The following MUC7 variants were observed in gnomAD, a reference collection of about 807,000 sequenced individuals.
The protein encoded by MUC7 is mucin-7.
MUC7 carries 2 observed loss-of-function variants against 2.5 expected under a neutral mutation model. That is an observed-to-expected ratio of 0.81 (90% CI 0.33 to 2.55). The LOEUF is 2.55. MUC7 is among the 30% of genes most tolerant of loss of function. The pLI, the probability that MUC7 is intolerant of heterozygous loss-of-function variation, is 0.11. For missense variants in MUC7, 408 were observed against 455.6 expected (o/e 0.90, Z 0.95); for synonymous variants, 133 against 173.4 (o/e 0.77, Z 1.83).
At chr4:70,432,068 G>T (rs1392449751) in intron 1 of MUC7, among the ~76,000 whole-genome samples, 1 of 152,218 alleles carries the variant, frequency 6.6e-6, no homozygotes, top group Non-Finnish European at 1.5e-5. Flanking sequence ...GCCTACAAAA[G>T]ACATGAACTC....
At chr4:70,452,286 G>T (rs569143548) in intron 1 of MUC7, among the ~76,000 whole-genome samples, 2 of 151,922 alleles carry the variant, frequency 1.3e-5, no homozygotes, top group African/African-American at 4.8e-5. Flanking sequence ...ACTTACTCCC[G>T]CCATTTTGTT....
chr4:70,461,715 G>A (rs890432534), intron 1 of MUC7, among the ~76,000 whole-genome samples: 3 of 151,822 alleles, frequency 2.0e-5, no homozygotes, highest in African/African-American at 7.3e-5. Context: ...GAAAGACACA[G>A]AGCTCTCCGC....
chr4:70,452,437 C>T (rs1412407948), intron 1 of MUC7, among the ~76,000 whole-genome samples: 1 of 151,668 alleles, frequency 6.6e-6, no homozygotes, highest in African/African-American at 2.4e-5. Context: ...TTTTAGATTT[C>T]AGGTTACCAT....
At chr4:70,467,438 A>T (rs925256425), upstream of MUC7, among the ~76,000 whole-genome samples, 19 of 152,250 alleles carry the variant, frequency 1.2e-4, no homozygotes, top group South Asian at 3.9e-3. Context: ...ATAGAGACAC[A>T]AAAAAACCCT....
intron 1 of MUC7, among the ~76,000 whole-genome samples, chr4:70,435,235 G>C (rs1252874190): frequency 2.0e-5 from 3 of 152,224 alleles, no homozygotes; most frequent in Non-Finnish European, 4.4e-5. Context: ...ACTTGGTCCA[G>C]AGCTGAGTTC....
At chr4:70,449,851 A>AC (rs991390703) in intron 1 of MUC7, among the ~76,000 whole-genome samples, 8 of 152,278 alleles carry the variant, frequency 5.3e-5, no homozygotes, top group Non-Finnish European at 1.2e-4. Context: ...ATGGAGTGAC[A>AC]CAAGCACCTC....
intron 2 of MUC7, among the ~76,000 whole-genome samples, chr4:70,476,256 A>T (rs537959431): frequency 6.6e-6 from 1 of 152,312 alleles, no homozygotes; most frequent in African/African-American, 2.4e-5. Context: ...ACTTTTTAAT[A>T]AGTAAAGTTT....
chr4:70,475,007 G>A (rs576818983), intron 2 of MUC7, among the ~76,000 whole-genome samples: 17 of 152,206 alleles, frequency 1.1e-4, no homozygotes, highest in East Asian at 9.7e-4. Flanking sequence ...GGCCGGGCGC[G>A]GTGGCTCATG....
intron 1 of MUC7, among the ~76,000 whole-genome samples, chr4:70,450,377 TG>T (rs369501230): frequency 3.2e-4 from 48 of 152,216 alleles, no homozygotes; most frequent in African/African-American, 1.1e-3. Context: ...CTAGAAGAAA[TG>T]CCATCCAAGA....
At chr4:70,468,326 A>C (rs770011594), upstream of MUC7, among the ~76,000 whole-genome samples, 5 of 151,992 alleles carry the variant, frequency 3.3e-5, no homozygotes, top group Non-Finnish European at 7.4e-5. Context: ...AGCTGGAAAC[A>C]CTCCCTTTGA....
At chr4:70,435,653 T>A (rs565866878) in intron 1 of MUC7, among the ~76,000 whole-genome samples, 2 of 114,870 alleles carry the variant, frequency 1.7e-5, no homozygotes, top group South Asian at 3.1e-4. Flanking sequence ...TGACTCTTTA[T>A]CCCATTTGCC....
chr4:70,465,900 C>A (rs1734672123), intron 1 of MUC7, among the ~76,000 whole-genome samples: 2 of 152,082 alleles, frequency 1.3e-5, no homozygotes, highest in South Asian at 2.1e-4. Flanking sequence ...ACAGAGAACA[C>A]CACAAGGATA....
intron 1 of MUC7, among the ~76,000 whole-genome samples, chr4:70,456,566 G>C (rs966370580): frequency 1.3e-5 from 2 of 152,116 alleles, no homozygotes; most frequent in Admixed American, 6.6e-5. Context: ...AGAACAAAGG[G>C]GGGACTGCCA....
chr4:70,478,358 T>C (rs1328882775), intron 2 of MUC7, among the ~76,000 whole-genome samples: 13 of 152,198 alleles, frequency 8.5e-5, no homozygotes, highest in African/African-American at 3.1e-4. Flanking sequence ...GTTTTAGGTA[T>C]TGGACTTACA....
At chr4:70,476,550 C>T (rs1735006755) in intron 2 of MUC7, among the ~76,000 whole-genome samples, 1 of 152,128 alleles carries the variant, frequency 6.6e-6, no homozygotes, top group Non-Finnish European at 1.5e-5. Flanking sequence ...TTGACCTGAT[C>T]CTTAGAAAAT....
chr4:70,454,059 C>G (rs1734356275), intron 1 of MUC7, among the ~76,000 whole-genome samples: 1 of 152,000 alleles, frequency 6.6e-6, no homozygotes, highest in African/African-American at 2.4e-5. Context: ...CTCCTCTTCT[C>G]AAGCAGAATA....
upstream of MUC7, among the ~76,000 whole-genome samples, chr4:70,469,914 A>G (rs984047590): frequency 9.2e-5 from 14 of 152,214 alleles, no homozygotes; most frequent in African/African-American, 3.4e-4. Flanking sequence ...CCGGGTATAT[A>G]CCCAAAGGAT....
chr4:70,459,645 A>G (rs564216904), intron 1 of MUC7, among the ~76,000 whole-genome samples: 12 of 152,306 alleles, frequency 7.9e-5, no homozygotes, highest in African/African-American at 2.9e-4. Flanking sequence ...ATATACAGAC[A>G]GTATAACAGA....
chr4:70,455,345 A>T (rs1734386297), intron 1 of MUC7, among the ~76,000 whole-genome samples: 1 of 152,200 alleles, frequency 6.6e-6, no homozygotes, highest in African/African-American at 2.4e-5. Context: ...ATTTTAAGTC[A>T]TACATTGTTT....
Sources: gnomAD v4.1 joint callset for allele counts (sites outside exome capture counted in the v4.1 genomes callset) on GRCh38, gnomAD v4.1.1 for gene constraint, MANE v1.5 for transcripts, NCBI Gene and HGNC (gene_info 2026-07-23, HGNC 2026-07-21) for gene names.